The following ASIC2 variants were observed in gnomAD, a reference collection of about 807,000 sequenced individuals.
ASIC2 encodes acid sensing ion channel subunit 2.
ASIC2 carries 25 observed loss-of-function variants against 57.3 expected under a neutral mutation model. That is an observed-to-expected ratio of 0.44 (90% confidence interval 0.32 to 0.61). ASIC2 has a LOEUF of 0.61. Ranked by LOEUF, ASIC2 falls within the 20% of genes least tolerant of loss-of-function variation. The pLI, the probability that ASIC2 is intolerant of heterozygous loss-of-function variation, is 0.06. For missense variants in ASIC2, 641 were observed against 738.1 expected, an observed-to-expected ratio of 0.87 and a Z score of 1.52; for synonymous variants, 319 against 307.5, an observed-to-expected ratio of 1.04 and a Z score of -0.39.
At chr17:33,225,325 G>A (rs943806521) in intron 1 of ASIC2, among the ~76,000 whole-genome samples, 1 of 152,196 alleles carries the variant, frequency 6.6e-6, no homozygotes, top group Non-Finnish European at 1.5e-5. Flanking sequence ...TACTGTCTGC[G>A]TGATTGGAGT....
At chr17:33,418,790 G>A (rs143029238) in intron 1 of ASIC2, among the ~76,000 whole-genome samples, 113 of 152,156 alleles carry the variant, frequency 7.4e-4, no homozygotes, top group Middle Eastern at 6.8e-3. Flanking sequence ...GGATGAGTTC[G>A]TGTCCTTTGC....
At chr17:34,114,523 CTGTG>C (rs1399425427) in intron 1 of ASIC2, among the ~76,000 whole-genome samples, 1 of 152,182 alleles carries the variant, frequency 6.6e-6, no homozygotes, top group African/African-American at 2.4e-5. Context: ...CACTCACTTG[CTGTG>C]TGTTTTTGGC....
intron 1 of ASIC2, among the ~76,000 whole-genome samples, chr17:33,308,772 C>T (rs1253483153): frequency 2.6e-5 from 4 of 152,170 alleles, no homozygotes; most frequent in African/African-American, 7.2e-5. Context: ...GTACTGCCTA[C>T]ATACCAACAA....
intron 1 of ASIC2, among the ~76,000 whole-genome samples, chr17:33,579,534 T>C (rs1916814580): frequency 6.6e-6 from 1 of 152,122 alleles, no homozygotes; most frequent in Non-Finnish European, 1.5e-5. Context: ...GTTCTCGGTC[T>C]CCCTGCCTTC....
intron 1 of ASIC2, among the ~76,000 whole-genome samples, chr17:34,018,361 A>G (rs565220112): frequency 1.7e-4 from 26 of 152,362 alleles, no homozygotes; most frequent in African/African-American, 6.3e-4. Flanking sequence ...TTGACAATGC[A>G]TCTGGTGACC....
intron 1 of ASIC2, among the ~76,000 whole-genome samples, chr17:33,472,255 G>C (rs1439789584): frequency 6.6e-6 from 1 of 151,966 alleles, no homozygotes; most frequent in Non-Finnish European, 1.5e-5. Flanking sequence ...CCTGACCCCA[G>C]GTGATCCACC....
chr17:34,104,198 A>C (rs1910963293), intron 1 of ASIC2, among the ~76,000 whole-genome samples: 1 of 152,094 alleles, frequency 6.6e-6, no homozygotes, highest in Non-Finnish European at 1.5e-5. Flanking sequence ...CAAGCATTTT[A>C]CATTTTTATA....
At chr17:33,764,710 G>A (rs1223653561) in intron 1 of ASIC2, among the ~76,000 whole-genome samples, 2 of 152,080 alleles carry the variant, frequency 1.3e-5, no homozygotes, top group Non-Finnish European at 2.9e-5. Context: ...CATTCTTGAG[G>A]GTACAGCCCT....
chr17:33,598,539 G>GA (rs1905041959), intron 1 of ASIC2, among the ~76,000 whole-genome samples: 1 of 152,174 alleles, frequency 6.6e-6, no homozygotes, highest in African/African-American at 2.4e-5. Context: ...GACTGTATGT[G>GA]AAAATGTCAG....
rs151114508 is a variant in ASIC2 at position 34,059,157 on chromosome 17, G to A, written c.555+96821C>T. The stretch of plus-strand genomic sequence containing the variant: ...AGTGGACTGCTCCTGCAGGACCTGG[G>A]AGACACCCCAAATACTGTGAGTGCT... On this transcript the variant is annotated intron_variant, in intron 1 of 9. Transcript: ENST00000359872. 6.7e-3 allele frequency among the ~76,000 whole-genome samples: 1,023 copies of A among 152,292 alleles called. 17 individuals carry two copies. Among genetic ancestry groups the A allele is most frequent in the African/African-American group, 0.023 (956 of 41,550 alleles).
intron 1 of ASIC2, among the ~76,000 whole-genome samples, chr17:33,790,061 A>C (rs1011371280): frequency 6.6e-6 from 1 of 152,256 alleles, no homozygotes; most frequent in African/African-American, 2.4e-5. Context: ...GACATTTTTC[A>C]TTGATGCCTA....
chr17:33,017,789 G>GGA, intron 7 of ASIC2, 105 bp from the exon 8 acceptor site: 1 of 1,024,826 alleles, frequency 9.8e-7, no homozygotes. Flanking sequence ...CCCCCTCCAT[G>GGA]GGGAGCCTGG....
chr17:33,870,463 C>G (rs431926), intron 1 of ASIC2, among the ~76,000 whole-genome samples: 1 of 151,532 alleles, frequency 6.6e-6, no homozygotes, highest in African/African-American at 2.4e-5. Context: ...CCTCTCTCAG[C>G]TGACAGGCAT....
chr17:33,401,470 T>G lies in ASIC2; in HGVS notation c.556-289403A>C, dbSNP rs138153731. Among the ~76,000 whole-genome samples the G allele has an allele frequency of 6.5e-3, 988 of 152,284 alleles. 9 individuals are homozygous for G. The highest frequency in any genetic ancestry group is 0.022 in the African/African-American group (905 of 41,550). On this transcript the variant is annotated intron_variant, in intron 1 of 9. Transcript: ENST00000359872. The stretch of plus-strand genomic sequence containing the variant: ...CTGGCTCCCCTCCTGCCCTCCTTTG[T>G]CTGTTTTCCACCCAGCCCCTGATGG...
chr17:33,182,325 C>G (rs1906019359), intron 1 of ASIC2, among the ~76,000 whole-genome samples: 1 of 152,156 alleles, frequency 6.6e-6, no homozygotes, highest in Admixed American at 6.5e-5. Context: ...GGGGTTGCTA[C>G]TGACTCTTAC....
chr17:33,298,285 G>A (rs1429105357), upstream of ASIC2, among the ~76,000 whole-genome samples: 5 of 151,656 alleles, frequency 3.3e-5, no homozygotes, highest in Non-Finnish European at 7.4e-5. Context: ...CCCACGACAA[G>A]CCCTTCCTGT....
chr17:33,421,737 G>A (rs372223042), intron 1 of ASIC2, among the ~76,000 whole-genome samples: 4 of 152,200 alleles, frequency 2.6e-5, no homozygotes, highest in Non-Finnish European at 2.9e-5. Flanking sequence ...TCTTTGTTAT[G>A]TCATGCATTT....
intron 1 of ASIC2, among the ~76,000 whole-genome samples, chr17:33,741,629 G>T (rs183180239): frequency 1.6e-4 from 25 of 152,318 alleles, no homozygotes; most frequent in Admixed American, 1.0e-3. Context: ...CTCCAGGCAT[G>T]CTGGTAGTCA....
At chr17:34,040,952 G>GA (rs1397026880) in intron 1 of ASIC2, among the ~76,000 whole-genome samples, 1 of 148,682 alleles carries the variant, frequency 6.7e-6, no homozygotes, top group Non-Finnish European at 1.5e-5. Context: ...GTATCAGGGA[G>GA]ATTAAGTAAT....
Sources: allele counts gnomAD v4.1 joint callset (sites outside exome capture counted in the v4.1 genomes callset), GRCh38; gene constraint gnomAD v4.1.1; transcripts MANE v1.5; gene names NCBI Gene and HGNC (gene_info 2026-07-23, HGNC 2026-07-21).